Variants in MAP2K6 observed in about 807,000 individuals in gnomAD.
The protein encoded by MAP2K6 is dual specificity mitogen-activated protein kinase kinase 6.
In MAP2K6, 16 loss-of-function variants were observed where a neutral mutation model predicts 53.7. The observed-to-expected ratio is 0.30, with a 90% CI of 0.20 to 0.45. The LOEUF is 0.45. Ranked by LOEUF, MAP2K6 falls within the 20% of genes least tolerant of loss-of-function variation. The pLI is 1.00. For synonymous variants in MAP2K6, 132 were observed against 143.1 expected, an observed-to-expected ratio of 0.92 and a Z score of 0.55; for missense variants, 204 against 411.9, an observed-to-expected ratio of 0.50 and a Z score of 4.37.
chr17:69,488,643 G>C (rs1313125431), intron 1 of MAP2K6, among the ~76,000 whole-genome samples: 1 of 152,176 alleles, frequency 6.6e-6, no homozygotes, highest in Admixed American at 6.5e-5. Flanking sequence ...AAGCAAGTCA[G>C]TGCAGGAACA....
intron 1 of MAP2K6, among the ~76,000 whole-genome samples, chr17:69,423,217 G>A (rs548655878): frequency 5.3e-5 from 8 of 152,208 alleles, no homozygotes; most frequent in African/African-American, 1.7e-4. Flanking sequence ...GCCCGTGAGC[G>A]AAGATGGTTT....
intron 2 of MAP2K6, among the ~76,000 whole-genome samples, 166 bp downstream of exon 2, chr17:69,506,012 A>T (rs1197974030): frequency 6.6e-6 from 1 of 152,240 alleles, no homozygotes; most frequent in African/African-American, 2.4e-5. Flanking sequence ...CTTATCAGTC[A>T]GTTACGTTGA....
intron 1 of MAP2K6, among the ~76,000 whole-genome samples, chr17:69,484,460 C>A (rs73363645): frequency 6.6e-6 from 1 of 151,708 alleles, no homozygotes; most frequent in Non-Finnish European, 1.5e-5. Flanking sequence ...AAATTGGAAC[C>A]CTTTACATTG....
At chr17:69,423,105 G>A (rs367745317) in intron 1 of MAP2K6, among the ~76,000 whole-genome samples, 59 of 152,128 alleles carry the variant, frequency 3.9e-4, no homozygotes, top group African/African-American at 1.3e-3. Flanking sequence ...GGATGATCTC[G>A]ATCTCTTGAC....
intron 1 of MAP2K6, among the ~76,000 whole-genome samples, chr17:69,438,084 T>A (rs12451722): frequency 6.6e-6 from 1 of 152,106 alleles, no homozygotes; most frequent in Non-Finnish European, 1.5e-5. Context: ...GGGGAATGTG[T>A]GTTGCTCCTG....
At position 69,546,474 on chromosome 17, in the gene MAP2K6, T is replaced by G. The variant is rs539568829; in HGVS notation, c.*4721T>G. The G allele has an allele frequency of 6.6e-6, 1 of 152,312 alleles. No individual in the cohort carries two copies. Among genetic ancestry groups the G allele is most frequent in the East Asian group, 1.9e-4 (1 of 5,186 alleles). The allele number at this position is 152,312 out of a possible 1,614,324, so 9.4% of individuals were successfully genotyped here. A position where few individuals can be genotyped will look rare whatever the true frequency, so the allele number is the denominator to read the frequency against. ...GGGTTAATGTTGCATAATTTATCAC[T>G]AAAATGTCTTTGTTGACCAAGGGGC... is the stretch of plus-strand genomic sequence containing the variant. On this transcript the variant is annotated 3_prime_UTR_variant, in exon 12 of 12. Coordinates refer to ENST00000590474, the MANE Select transcript of MAP2K6 (RefSeq NM_002758.4).
intron 11 of MAP2K6, among the ~76,000 whole-genome samples, chr17:69,540,891 C>A (rs991534460): frequency 6.6e-6 from 1 of 152,170 alleles, no homozygotes; most frequent in Admixed American, 6.5e-5. Flanking sequence ...ACGTCAAGGG[C>A]GAGGGCTACC....
At position 69,523,657 on chromosome 17, in the gene MAP2K6, A is replaced by G. The variant is rs750161888; in HGVS notation, c.663+16A>G. On this transcript the variant is annotated intron_variant, in intron 8 of 11. Transcript: ENST00000590474. Reference sequence around the variant, plus strand: ...ATACATGGCCGTAAGTACATTAGCTAGGGTGGCATCTGGTAATGTCACTGC... The same window carrying G: ...ATACATGGCCGTAAGTACATTAGCTGGGGTGGCATCTGGTAATGTCACTGC... 3 of 1,612,652 alleles carry G rather than the reference A, an allele frequency of 1.9e-6. No homozygotes were observed. Among genetic ancestry groups the G allele is most frequent in the Non-Finnish European group, 2.5e-6 (3 of 1,178,716 alleles).
chr17:69,498,481 A>C (rs776292164), intron 1 of MAP2K6, among the ~76,000 whole-genome samples: 4 of 152,176 alleles, frequency 2.6e-5, no homozygotes, highest in African/African-American at 4.8e-5. Flanking sequence ...GGGCATCAGC[A>C]GGGGACCCAC....
At chr17:69,531,086 TA>T (rs754370736) in intron 10 of MAP2K6, among the ~76,000 whole-genome samples, 1 of 152,126 alleles carries the variant, frequency 6.6e-6, no homozygotes, top group Non-Finnish European at 1.5e-5. Flanking sequence ...CCATGTTTTT[TA>T]TATTTTTATT....
intron 7 of MAP2K6, among the ~76,000 whole-genome samples, chr17:69,522,351 G>A (rs904374124): frequency 3.3e-5 from 5 of 151,978 alleles, no homozygotes; most frequent in African/African-American, 9.7e-5. Flanking sequence ...TAACATTAAG[G>A]GTTATTTCAC....
intron 2 of MAP2K6, among the ~76,000 whole-genome samples, chr17:69,507,609 T>C (rs561457040): frequency 6.6e-6 from 1 of 152,306 alleles, no homozygotes; most frequent in Admixed American, 6.5e-5. Flanking sequence ...TTTTGTTCAA[T>C]GTAATTTTAT....
intron 2 of MAP2K6, among the ~76,000 whole-genome samples, chr17:69,512,405 T>G (rs568621099): frequency 7.1e-6 from 1 of 140,398 alleles, no homozygotes; most frequent in African/African-American, 2.7e-5. Flanking sequence ...AGTGGTATGA[T>G]CTTGGCTCAC....
chr17:69,550,742 C>T lies in MAP2K6; in HGVS notation c.*8989C>T, dbSNP rs1461719570. On this transcript the variant is annotated 3_prime_UTR_variant, in exon 12 of 12. Transcript: ENST00000590474. The stretch of plus-strand genomic sequence containing the variant: ...TGAAGGTGAACTCTGCCTATCTGAA[C>T]CTCTGTCAACCTCCAGTCAGAATAT... The T allele has an allele frequency of 6.6e-6, 1 of 152,034 alleles. No individual in the cohort carries two copies. Among genetic ancestry groups the T allele is most frequent in the African/African-American group, 2.4e-5 (1 of 41,400 alleles). The allele number at this position is 152,034 out of a possible 1,614,324, so 9.4% of individuals were successfully genotyped here.
chr17:69,497,942 G>A (rs1427972366), intron 1 of MAP2K6, among the ~76,000 whole-genome samples: 1 of 152,192 alleles, frequency 6.6e-6, no homozygotes. Flanking sequence ...CACTTCGTAT[G>A]TGAGACCATT....
intron 1 of MAP2K6, among the ~76,000 whole-genome samples, chr17:69,456,448 T>G (rs1273480672): frequency 2.0e-5 from 3 of 152,334 alleles, no homozygotes; most frequent in Non-Finnish European, 2.9e-5. Flanking sequence ...TTCTAGAGAT[T>G]GGCTTGAATT....
In MAP2K6 at chr17:69,521,084, G is replaced by A; in HGVS notation, c.519G>A (p.Leu173=). The A allele has an allele frequency of 6.2e-7, 1 of 1,610,240 alleles. No individual in the cohort carries two copies. ...VKALEHLHSK[L]SVIHRDVKPS... ...CATTAGAACATTTACATAGTAAGCT[G>A]TCTGTCATTCACAGAGGTAAGCATC... The change falls in exon 7 of 12, where the codon CTG becomes CTA. Residue 173 remains leucine (L), a synonymous_variant. Transcript: ENST00000590474.
At chr17:69,539,761 C>T (rs1351475891) in intron 11 of MAP2K6, among the ~76,000 whole-genome samples, 1 of 152,146 alleles carries the variant, frequency 6.6e-6, no homozygotes, top group Non-Finnish European at 1.5e-5. Context: ...TGAGGTTTGG[C>T]ATGTCCTGTT....
intron 1 of MAP2K6, among the ~76,000 whole-genome samples, chr17:69,495,783 A>G (rs577424244): frequency 4.9e-4 from 74 of 152,290 alleles, no homozygotes; most frequent in Non-Finnish European, 9.1e-4. Flanking sequence ...GTGTATTTTG[A>G]AAAGCTCGAG....
Sources: gnomAD v4.1 joint callset for allele counts (sites outside exome capture counted in the v4.1 genomes callset) on GRCh38, gnomAD v4.1.1 for gene constraint, MANE v1.5 for transcripts, NCBI Gene and HGNC (gene_info 2026-07-23, HGNC 2026-07-21) for gene names.